The following FOXP2 variants were observed in gnomAD, a reference collection of about 807,000 sequenced individuals.
FOXP2 encodes forkhead box P2.
In FOXP2, 12 loss-of-function variants were observed where a neutral mutation model predicts 115.8. That is an observed-to-expected ratio of 0.10 (90% confidence interval 0.07 to 0.17). The LOEUF is 0.17. FOXP2 is among the 10% of genes least tolerant of loss of function. FOXP2 has a pLI of 1.00. For synonymous variants in FOXP2, 328 were observed against 297.7 expected, an observed-to-expected ratio of 1.10 and a Z score of -1.05; for missense variants, 629 against 843.5, an observed-to-expected ratio of 0.75 and a Z score of 3.15.
chr7:114,266,443 A>G (rs1157724835), intron 1 of FOXP2, among the ~76,000 whole-genome samples: 1 of 152,220 alleles, frequency 6.6e-6, no homozygotes, highest in Non-Finnish European at 1.5e-5. Flanking sequence ...GGGAGGCCTC[A>G]GGGAGCTTTT....
intron 6 of FOXP2, among the ~76,000 whole-genome samples, chr7:114,641,113 C>T (rs983279674): frequency 9.2e-5 from 14 of 152,146 alleles, no homozygotes; most frequent in Non-Finnish European, 2.1e-4. Context: ...AACTTTACCA[C>T]GTAGAAGCTG....
At chr7:114,258,396 C>A (rs1795672526) in intron 1 of FOXP2, among the ~76,000 whole-genome samples, 1 of 152,064 alleles carries the variant, frequency 6.6e-6, no homozygotes, top group East Asian at 1.9e-4. Context: ...TGTCAATTAT[C>A]TGGTGAAAAA....
At chr7:114,465,760 A>C (rs1455087077) in intron 2 of FOXP2, among the ~76,000 whole-genome samples, 3 of 152,196 alleles carry the variant, frequency 2.0e-5, no homozygotes, top group African/African-American at 7.2e-5. Context: ...TTGGGAAGCG[A>C]GTGTTACCAA....
chr7:114,513,557 G>T (rs1798179995), intron 2 of FOXP2, among the ~76,000 whole-genome samples: 3 of 152,208 alleles, frequency 2.0e-5, no homozygotes, highest in African/African-American at 7.2e-5. Context: ...GGATTCTGAT[G>T]ATGCTCTGGG....
intron 1 of FOXP2, among the ~76,000 whole-genome samples, chr7:114,094,773 C>T (rs1799609489): frequency 2.0e-5 from 3 of 152,120 alleles, no homozygotes; most frequent in African/African-American, 7.2e-5. Context: ...GTGATCCTCT[C>T]CCCTCAGCCT....
intron 1 of FOXP2, among the ~76,000 whole-genome samples, chr7:114,106,873 C>T (rs1204694730): frequency 6.6e-6 from 1 of 151,678 alleles, no homozygotes; most frequent in African/African-American, 2.4e-5. Flanking sequence ...AGCCTTAGAC[C>T]TTATTTATTT....
At chr7:114,174,104 G>T (rs969209159) in intron 1 of FOXP2, among the ~76,000 whole-genome samples, 12 of 151,906 alleles carry the variant, frequency 7.9e-5, no homozygotes, top group Admixed American at 5.9e-4. Context: ...TCTCTCTTTT[G>T]CCCTTTATTC....
At chr7:114,301,102 AAT>A (rs1307298477) in intron 2 of FOXP2, among the ~76,000 whole-genome samples, 1 of 152,046 alleles carries the variant, frequency 6.6e-6, no homozygotes, top group African/African-American at 2.4e-5. Flanking sequence ...ATCTTAACGA[AAT>A]AGTCATATAA....
At chr7:114,141,221 T>G (rs772789219) in intron 1 of FOXP2, among the ~76,000 whole-genome samples, 1 of 152,182 alleles carries the variant, frequency 6.6e-6, no homozygotes, top group South Asian at 2.1e-4. Context: ...AGGGATTACA[T>G]GATTGAGCTC....
At chr7:114,383,413 A>G (rs1179300410) in intron 2 of FOXP2, among the ~76,000 whole-genome samples, 2 of 151,922 alleles carry the variant, frequency 1.3e-5, no homozygotes, top group African/African-American at 2.4e-5. Flanking sequence ...GTTTGGGTTG[A>G]AGGGGGGTCC....
intron 2 of FOXP2, among the ~76,000 whole-genome samples, chr7:114,402,948 A>C (rs1345867547): frequency 6.6e-6 from 1 of 152,070 alleles, no homozygotes; most frequent in Non-Finnish European, 1.5e-5. Context: ...GCCCGACCAC[A>C]TGCAAGTGAT....
chr7:114,689,735 T>G (rs1466759111), intron 16 of FOXP2, 47 bp from the exon 17 acceptor site: 1 of 1,609,364 alleles, frequency 6.2e-7, no homozygotes, highest in Non-Finnish European at 8.5e-7. Context: ...CCAAACTCTG[T>G]TTGTTGCTTA....
intron 2 of FOXP2, among the ~76,000 whole-genome samples, chr7:114,471,786 C>T (rs1796058090): frequency 6.7e-6 from 1 of 148,828 alleles, no homozygotes; most frequent in African/African-American, 2.5e-5. Context: ...CCCATCTCCA[C>T]TAAAAATACA....
chr7:114,535,348 A>G (rs1436999426), intron 3 of FOXP2, among the ~76,000 whole-genome samples: 1 of 150,438 alleles, frequency 6.6e-6, no homozygotes, highest in Non-Finnish European at 1.5e-5. Flanking sequence ...GTGGGGGGGG[A>G]AACATTTTTA....
intron 3 of FOXP2, among the ~76,000 whole-genome samples, chr7:114,594,738 T>C (rs1802609336): frequency 6.6e-6 from 1 of 152,052 alleles, no homozygotes; most frequent in Non-Finnish European, 1.5e-5. Context: ...TGAAATACAC[T>C]ATATTGCTGA....
chr7:114,660,874 T>C (rs1806822042), intron 13 of FOXP2, among the ~76,000 whole-genome samples: 1 of 152,230 alleles, frequency 6.6e-6, no homozygotes, highest in South Asian at 2.1e-4. Context: ...TGGTCTCATC[T>C]CCACAGCTCG....
chr7:114,288,137 C>T lies in FOXP2; in HGVS notation c.-11+28C>T, dbSNP rs991274567. ...AAGTGTCCTTTTGGTAAAAATTCTC[C>T]TTTGGTCATTGTGCTTATTTTTATT... On this transcript the variant is annotated intron_variant, in intron 2 of 17. Transcript: ENST00000634411. The T allele has an allele frequency of 6.7e-6, 3 of 450,928 alleles. No homozygotes were observed. The East Asian group carries it at 2.1e-4, about 31-fold the overall frequency. The allele number at this position is 450,928 out of a possible 1,614,324, so 27.9% of individuals were successfully genotyped here. A position where few individuals can be genotyped will look rare whatever the true frequency, so the allele number is the denominator to read the frequency against.
intron 1 of FOXP2, among the ~76,000 whole-genome samples, chr7:114,109,336 CATCTTT>C (rs1243884686): frequency 6.6e-6 from 1 of 152,044 alleles, no homozygotes; most frequent in African/African-American, 2.4e-5. Flanking sequence ...TGTTCATCTT[CATCTTT>C]AATGTCATGC....
chr7:114,118,782 C>G (rs544880790), intron 1 of FOXP2, among the ~76,000 whole-genome samples: 1 of 152,116 alleles, frequency 6.6e-6, no homozygotes, highest in Non-Finnish European at 1.5e-5. Context: ...TTATTTCACT[C>G]TCTCATAAGT....
Sources: allele counts gnomAD v4.1 joint callset (sites outside exome capture counted in the v4.1 genomes callset), GRCh38; gene constraint gnomAD v4.1.1; transcripts MANE v1.5; gene names NCBI Gene and HGNC (gene_info 2026-07-23, HGNC 2026-07-21).